PCDHGA11: variants seen among roughly 807,000 people sequenced by gnomAD.
PCDHGA11 encodes protocadherin gamma subfamily A, 11, also known as protocadherin gamma-A11.
PCDHGA11 carries 39 observed loss-of-function variants against 60.4 expected under a neutral mutation model. The observed-to-expected ratio is 0.65, with a 90% CI of 0.50 to 0.84. The LOEUF (loss-of-function observed/expected upper bound fraction) is 0.84, where lower values mean the gene tolerates loss of function less well. PCDHGA11 is among the 40% of genes least tolerant of loss of function. The pLI is 0.00. For synonymous variants in PCDHGA11, 533 were observed against 510.3 expected (o/e 1.04, Z -0.60); for missense variants, 1,165 against 1,197.7 (o/e 0.97, Z 0.40).
chr5:141,427,994 C>T, intron 1 of PCDHGA11: 1 of 1,599,396 alleles, frequency 6.3e-7, no homozygotes, highest in Non-Finnish European at 8.6e-7. Flanking sequence ...CCGATGGCTC[C>T]GCACTCTTCG....
In PCDHGA11 at chr5:141,487,636, AC is replaced by A. The variant is rs1562120737; in HGVS notation, c.2434-7170del. On this transcript the variant is annotated intron_variant, in intron 1 of 3. Coordinates refer to ENST00000398587, the MANE Select transcript of PCDHGA11 (RefSeq NM_018914.3). The surrounding 1 kb of genome is among the most constrained non-coding windows in gnomAD (Gnocchi z 5.0). ...TAGAGGTGAGACCTTTGCAGGCTCA[AC>A]AAATGCTTGAGGGTTATTCTGATCC... 1 of 1,614,192 alleles carries A rather than the reference AC, an allele frequency of 6.2e-7. No individual in the cohort carries two copies. The highest frequency in any genetic ancestry group is 2.2e-5 in the East Asian group (1 of 44,886).
chr5:141,431,709 T>C lies in PCDHGA11; in HGVS notation c.2433+8049T>C. On this transcript the variant is annotated intron_variant, in intron 1 of 3. Coordinates refer to ENST00000398587, the MANE Select transcript of PCDHGA11 (RefSeq NM_018914.3). This position sits in a 1 kb window ranked among gnomAD's most constrained non-coding sequence, Gnocchi z 4.8. ...CACGAGGAGTCAGGATTCTACCAGA[T>C]GGAAGTGCAAGCAATGGATAATGCA... The C allele has an allele frequency of 6.2e-7, 1 of 1,614,168 alleles. No individual in the cohort carries two copies. Among genetic ancestry groups the C allele is most frequent in the Non-Finnish European group, 8.5e-7 (1 of 1,180,018 alleles).
Position 141,489,317 on chromosome 5 carries a change from G to T in PCDHGA11, c.2434-5490G>T. ...ATGTTGTCCTTGTGCTGCTGGGGCT[G>T]GGTGTCTGGGCAGCTTCGTTACTCA... is the stretch of plus-strand genomic sequence containing the variant. On this transcript the variant is annotated intron_variant, in intron 1 of 3. Coordinates refer to ENST00000398587, the MANE Select transcript of PCDHGA11 (RefSeq NM_018914.3). The surrounding 1 kb of genome is among the most constrained non-coding windows in gnomAD (Gnocchi z 4.5). 6.3e-7 allele frequency: 1 copy of T among 1,598,654 alleles called. No homozygotes were observed. The highest frequency in any genetic ancestry group is 8.5e-7 in the Non-Finnish European group (1 of 1,171,456).
intron 2 of PCDHGA11, among the ~76,000 whole-genome samples, chr5:141,499,796 C>T (rs2099794539): frequency 6.6e-6 from 1 of 150,412 alleles, no homozygotes; most frequent in South Asian, 2.1e-4. Context: ...AAGCAATTCT[C>T]ATGCTTCAGC....
At chr5:141,478,526 G>A (rs1402123535) in intron 1 of PCDHGA11, 1 of 1,609,906 alleles carries the variant, frequency 6.2e-7, no homozygotes, top group Admixed American at 1.7e-5. Context: ...GTTGGGTGCA[G>A]AGAGCGCCCC....
In PCDHGA11 at chr5:141,502,866, C is replaced by CTTTTTTTTTTTT. The variant is rs549047197; in HGVS notation, c.2493-2524_2493-2513dup. 2.4e-4 allele frequency among the ~76,000 whole-genome samples: 31 copies of CTTTTTTTTTTTT among 128,008 alleles called. 3 individuals are homozygous for CTTTTTTTTTTTT. Among genetic ancestry groups the CTTTTTTTTTTTT allele is most frequent in the African/African-American group, 3.4e-4 (11 of 32,350 alleles). 84.0% of individuals were successfully genotyped at this position (128,008 alleles called of 152,430 possible). ...GAGCTGCCTAACCCTGACTCTCTGT[C>CTTTTTTTTTTTT]TTTTTTTTTTTTTTGACAGGGAGTC... is the stretch of plus-strand genomic sequence containing the variant. On this transcript the variant is annotated intron_variant, in intron 2 of 3. Transcript: ENST00000398587.
At chr5:141,433,422 A>G (rs1172678396) in intron 1 of PCDHGA11, among the ~76,000 whole-genome samples, 1 of 150,646 alleles carries the variant, frequency 6.6e-6, no homozygotes, top group Admixed American at 6.6e-5. Context: ...TCTTGTACAG[A>G]CAGGAGTCTC....
Position 141,432,581 on chromosome 5 carries a change from C to T in PCDHGA11, c.2433+8921C>T. 6.2e-7 allele frequency: 1 copy of T among 1,613,930 alleles called. No homozygotes were observed. The highest frequency in any genetic ancestry group is 8.5e-7 in the Non-Finnish European group (1 of 1,179,974). On this transcript the variant is annotated intron_variant, in intron 1 of 3. Coordinates refer to ENST00000398587, the MANE Select transcript of PCDHGA11 (RefSeq NM_018914.3). The surrounding 1 kb of genome is among the most constrained non-coding windows in gnomAD (Gnocchi z 6.0). ...CCAGAACGCCTGGCTGTCCTACCGT[C>T]TGCTCAAGGCCAGCGAGCCGGGACT...
At chr5:141,501,290 TACACACACACACACACACACACACAC>T (rs55762287) in intron 2 of PCDHGA11, among the ~76,000 whole-genome samples, 1 of 136,164 alleles carries the variant, frequency 7.3e-6, no homozygotes, top group Non-Finnish European at 1.6e-5. Flanking sequence ...TATTCCCTTA[TACACACACACACACACACACACACAC>T]ACACACACAC....
chr5:141,490,485 G>A lies in PCDHGA11; in HGVS notation c.2434-4322G>A. 3 of 1,614,202 alleles carry A rather than the reference G, an allele frequency of 1.9e-6. No individual in the cohort carries two copies. Among genetic ancestry groups the A allele is most frequent in the Middle Eastern group, 3.3e-4 (2 of 6,062 alleles). On this transcript the variant is annotated intron_variant, in intron 1 of 3. Coordinates refer to ENST00000398587, the MANE Select transcript of PCDHGA11 (RefSeq NM_018914.3). This position sits in a 1 kb window ranked among gnomAD's most constrained non-coding sequence, Gnocchi z 5.4. ...TAACCAGCCAGCCTTTGGACCGGGA[G>A]GCCACATCCCACTATATCATCGAGC... is the stretch of plus-strand genomic sequence containing the variant.
chr5:141,491,938 C>A lies in PCDHGA11; in HGVS notation c.2434-2869C>A, dbSNP rs1207647899. Reference sequence around the variant, plus strand: ...TGTGGGCGAGGGGAGGTGGGACCGACCCCCACCCCTACACTCAAAAAAGGC... The same window carrying A: ...TGTGGGCGAGGGGAGGTGGGACCGAACCCCACCCCTACACTCAAAAAAGGC... On this transcript the variant is annotated intron_variant, in intron 1 of 3. Transcript: ENST00000398587. This position sits in a 1 kb window ranked among gnomAD's most constrained non-coding sequence, Gnocchi z 6.9. 1.7e-6 allele frequency: 2 copies of A among 1,199,072 alleles called. No homozygotes were observed. The highest frequency in any genetic ancestry group is 3.1e-5 in the Admixed American group (1 of 32,246). The allele number at this position is 1,199,072 out of a possible 1,614,324, so 74.3% of individuals were successfully genotyped here. A position where few individuals can be genotyped will look rare whatever the true frequency, so the allele number is the denominator to read the frequency against.
rs553276457 is a variant in PCDHGA11 at position 141,480,179 on chromosome 5, G to A, written c.2434-14628G>A. Among the ~76,000 whole-genome samples, 10 of 152,058 alleles carry A rather than the reference G, an allele frequency of 6.6e-5. No individual in the cohort carries two copies. In the South Asian group the frequency reaches 8.3e-4, roughly 13 times the overall value. On this transcript the variant is annotated intron_variant, in intron 1 of 3. Transcript: ENST00000398587. ...AGCATTTTGGGAGGCTGAGGCAGGC[G>A]GATTGCTTGAGGCCAGCAGTTCAAG... is the stretch of plus-strand genomic sequence containing the variant.
chr5:141,431,297 C>T lies in PCDHGA11; in HGVS notation c.2433+7637C>T. The T allele has an allele frequency of 6.2e-7, 1 of 1,614,126 alleles. No homozygotes were observed. The highest frequency in any genetic ancestry group is 8.5e-7 in the Non-Finnish European group (1 of 1,180,036). Reference sequence around the variant, plus strand: ...GCTCAGCCCGAACACTCACTTCTCCCTCATCGTGCAAAATGGAGCCGACGG... The same window carrying T: ...GCTCAGCCCGAACACTCACTTCTCCTTCATCGTGCAAAATGGAGCCGACGG... On this transcript the variant is annotated intron_variant, in intron 1 of 3. Coordinates refer to ENST00000398587, the MANE Select transcript of PCDHGA11 (RefSeq NM_018914.3). This position sits in a 1 kb window ranked among gnomAD's most constrained non-coding sequence, Gnocchi z 4.8.
rs1266672163 is a variant in PCDHGA11, at chr5:141,422,317, G to A, written c.1090G>A (p.Gly364Ser). ...TTCAATTCTGGAAAACTCTCCTCCA[G>A]GTACAGTGATTGCTCTTCTAAATGT... Reference protein sequence around the residue: ...INSILENSPPGTVIALLNVQD... With the variant: ...INSILENSPPSTVIALLNVQD... Residue 364 changes from glycine to serine, a missense_variant, in exon 1 of 4, where the codon GGT becomes AGT. By Grantham distance (56) the Gly-to-Ser change is moderately conservative (BLOSUM62 0). Transcript: ENST00000398587. The A allele has an allele frequency of 1.3e-6, 2 of 1,548,092 alleles. No individual in the cohort carries two copies. The highest frequency in any genetic ancestry group is 1.7e-6 in the Non-Finnish European group (2 of 1,154,088).
intron 1 of PCDHGA11, among the ~76,000 whole-genome samples, chr5:141,450,832 T>TTATTA (rs764784095): frequency 5.6e-5 from 8 of 142,316 alleles, no homozygotes; most frequent in African/African-American, 2.2e-4. Context: ...TATTATTATT[T>TTATTA]TTTTTTTTTT....
At chr5:141,499,399 C>A (rs2099791676) in intron 2 of PCDHGA11, among the ~76,000 whole-genome samples, 1 of 152,072 alleles carries the variant, frequency 6.6e-6, no homozygotes, top group Non-Finnish European at 1.5e-5. Flanking sequence ...ATAGTACATG[C>A]TCATTATAGA....
chr5:141,484,004 G>C (rs1042457090), intron 1 of PCDHGA11, among the ~76,000 whole-genome samples: 5 of 146,164 alleles, frequency 3.4e-5, no homozygotes, highest in Non-Finnish European at 4.5e-5. Flanking sequence ...AGGTCTGGAT[G>C]AGGGTGGGGG....
At chr5:141,496,808 G>A (rs1387209844) in intron 2 of PCDHGA11, among the ~76,000 whole-genome samples, 3 of 151,736 alleles carry the variant, frequency 2.0e-5, no homozygotes, top group South Asian at 4.2e-4. Flanking sequence ...GGCTATAGGA[G>A]TGAACAAGTA....
rs1456176347 is a variant in PCDHGA11 at position 141,510,961 on chromosome 5, A to G, written c.2596A>G (p.Ser866Gly). 2 of 1,613,986 alleles carry G rather than the reference A, an allele frequency of 1.2e-6. No individual in the cohort carries two copies. Among genetic ancestry groups the G allele is most frequent in the Non-Finnish European group, 1.7e-6 (2 of 1,179,962 alleles). ...TGTCTCTGCAGAAGCTGCTGATGGG[A>G]GCTCCACCCTGGGAGGGGGTGCCGG... is the stretch of plus-strand genomic sequence containing the variant. Reference protein sequence around the residue: ...LASASEAADGSSTLGGGAGTM... With the variant: ...LASASEAADGGSTLGGGAGTM... Residue 866 changes from serine (S) to glycine (G), a missense_variant, in exon 4 of 4, where the codon AGC (serine) becomes GGC (glycine). Physicochemically the swap from Ser to Gly is moderately conservative, Grantham distance 56. Coordinates refer to ENST00000398587, the MANE Select transcript of PCDHGA11 (RefSeq NM_018914.3).
Sources: gnomAD v4.1 joint callset for allele counts (sites outside exome capture counted in the v4.1 genomes callset) on GRCh38, gnomAD v4.1.1 for gene constraint, Gnocchi (gnomAD v3.1) non-coding constraint, MANE v1.5 for transcripts, NCBI Gene and HGNC (gene_info 2026-07-23, HGNC 2026-07-21) for gene names.